RNASET2: variants seen among roughly 807,000 people sequenced by gnomAD.
RNASET2 encodes the protein ribonuclease 6.
A neutral mutation model predicts 33.9 loss-of-function variants in RNASET2; 28 were observed. That is an observed-to-expected ratio of 0.83 (90% CI 0.61 to 1.13). The LOEUF (loss-of-function observed/expected upper bound fraction) is 1.13, where lower values mean the gene tolerates loss of function less well. Among genes scored for constraint, RNASET2 ranks in the 50% most tolerant of loss-of-function variants. RNASET2 has a pLI of 0.00. For synonymous variants in RNASET2, 123 were observed against 121.0 expected (o/e 1.02, Z -0.11); for missense variants, 330 against 319.9 (o/e 1.03, Z -0.24).
At chr6:166,955,697 T>C in intron 1 of RNASET2, 1 of 1,077,474 alleles carries the variant, frequency 9.3e-7, no homozygotes, top group Non-Finnish European at 1.1e-6. Context: ...CCCCTACTCC[T>C]TCCCAGGGGT....
intron 6 of RNASET2, chr6:166,938,467 C>G (rs1156437507): frequency 2.0e-6 from 1 of 508,818 alleles, no homozygotes. Flanking sequence ...AACCCTGGCC[C>G]ACATCTCTTT....
chr6:166,934,218 G>C, intron 6 of RNASET2, 82 bp from the exon 7 acceptor site: 1 of 932,524 alleles, frequency 1.1e-6, no homozygotes, highest in Non-Finnish European at 1.7e-6. Context: ...CATATTTCAT[G>C]GTAAAAATTA....
Position 166,956,170 on chromosome 6 carries a change from C to CT in RNASET2, c.12dup (p.Ala5SerfsTer26). 1 of 1,549,670 alleles carries CT rather than the reference C, an allele frequency of 6.5e-7. No homozygotes were observed. Among genetic ancestry groups the CT allele is most frequent in the Non-Finnish European group, 8.7e-7 (1 of 1,146,562 alleles). On this transcript the variant is annotated frameshift_variant, in exon 1 of 9. Transcript: ENST00000508775. LOFTEE classifies it high-confidence loss of function. ...CAGCCCAGCAGGGCCCCGCGCAGGG[C>CT]TGCAGGGCGCATGGTGCCGACCTGC...
intron 2 of RNASET2, among the ~76,000 whole-genome samples, chr6:166,952,141 C>T (rs13212391): frequency 1.3e-5 from 2 of 152,228 alleles, no homozygotes; most frequent in South Asian, 2.1e-4. Flanking sequence ...CAGAGGACCA[C>T]GGGTCCTTAC....
Position 166,925,149 on chromosome 6 carries a change from CCAT to C in RNASET2, c.*4436_*4438del, listed in dbSNP as rs1778285346. On this transcript the variant is annotated 3_prime_UTR_variant, in exon 9 of 9. Transcript: ENST00000508775. ...CTCTGCTGCCCAGGCCTCATCTACGCCATCCAGCCCTCACTCCTGCCGCCCAGC... is the reference window on the plus strand; with the variant it reads ...CTCTGCTGCCCAGGCCTCATCTACGCCCAGCCCTCACTCCTGCCGCCCAGC... 6.6e-6 allele frequency among the ~76,000 whole-genome samples: 1 copy of C among 151,654 alleles called. No individual in the cohort carries two copies. Among genetic ancestry groups the C allele is most frequent in the African/African-American group, 2.4e-5 (1 of 41,122 alleles).
Position 166,928,833 on chromosome 6 carries a change from T to C in RNASET2, c.*755A>G, listed in dbSNP as rs948387920. Among the ~76,000 whole-genome samples, 2 of 152,130 alleles carry C rather than the reference T, an allele frequency of 1.3e-5. No individual in the cohort carries two copies. Among genetic ancestry groups the C allele is most frequent in the African/African-American group, 2.4e-5 (1 of 41,412 alleles). ...GTACCTCCGGTTCTGGAACACACAA[T>C]GTAGGCACATTTCGCTGGGGGCTCC... On this transcript the variant is annotated 3_prime_UTR_variant, in exon 9 of 9. Transcript: ENST00000508775.
At position 166,931,059 on chromosome 6, in the gene RNASET2, G is replaced by C. The variant is rs930821082; in HGVS notation, c.552C>G (p.Cys184Trp). ...RVYGVIPKIQ[C>W]LPPSQDEEVQ... ...ACTGTCTAACCTGGCTTGGTGGAAG[G>C]CACTGGATTTTGGGTATCACTCCAT... Residue 184 changes from cysteine (C) to tryptophan (W), a missense_variant, in exon 8 of 9, where the codon TGC (cysteine) becomes TGG (tryptophan). Coordinates refer to ENST00000508775, the MANE Select transcript of RNASET2 (RefSeq NM_003730.6). The C allele has an allele frequency of 1.1e-5, 17 of 1,611,538 alleles. No individual in the cohort carries two copies. Among genetic ancestry groups the C allele is most frequent in the Non-Finnish European group, 1.4e-5 (16 of 1,177,758 alleles).
chr6:166,936,674 AC>A (rs1778577457), intron 6 of RNASET2, among the ~76,000 whole-genome samples: 1 of 152,054 alleles, frequency 6.6e-6, no homozygotes, highest in South Asian at 2.1e-4. Flanking sequence ...GGGGGCATTA[AC>A]CTACTCATGA....
At chr6:166,947,164 T>C (rs536052114) in intron 3 of RNASET2, among the ~76,000 whole-genome samples, 68 of 152,064 alleles carry the variant, frequency 4.5e-4, no homozygotes, top group African/African-American at 1.6e-3. Context: ...CGAGAGTCTG[T>C]TCCTTTCAAT....
intron 1 of RNASET2, among the ~76,000 whole-genome samples, chr6:166,955,243 ACACAC>A (rs1562506772): frequency 1.9e-5 from 2 of 103,648 alleles, no homozygotes; most frequent in East Asian, 3.7e-4. Context: ...ACGCACGCAC[ACACAC>A]GCACACACGC....
Position 166,929,929 on chromosome 6 carries a change from G to A in RNASET2, c.568-138C>T, listed in dbSNP as rs540477906. 5.1e-5 allele frequency: 42 copies of A among 820,862 alleles called. 1 individual carries two copies. Among genetic ancestry groups the A allele is most frequent in the African/African-American group, 4.6e-4 (27 of 58,962 alleles). The allele number at this position is 820,862 out of a possible 1,614,324, so 50.8% of individuals were successfully genotyped here. A position where few individuals can be genotyped will look rare whatever the true frequency, so the allele number is the denominator to read the frequency against. On this transcript the variant is annotated intron_variant, in intron 8 of 8. Transcript: ENST00000508775. ...ACCACAGGTTCTAGGTTCCAAGAAC[G>A]GACCCCTTCATTGAGCAGAAGGCTG...
At chr6:166,945,948 T>C (rs1032898964) in intron 4 of RNASET2, among the ~76,000 whole-genome samples, 2 of 151,914 alleles carry the variant, frequency 1.3e-5, no homozygotes, top group African/African-American at 2.4e-5. Context: ...AAGCCTTCAA[T>C]GCTACCACAC....
In RNASET2 at chr6:166,923,625, T is replaced by C. The variant is rs1037626520; in HGVS notation, c.*5963A>G. Among the ~76,000 whole-genome samples the C allele has an allele frequency of 5.3e-5, 8 of 150,228 alleles. No individual in the cohort carries two copies. The highest frequency in any genetic ancestry group is 1.0e-4 in the Non-Finnish European group (7 of 67,698). The stretch of plus-strand genomic sequence containing the variant: ...ATTACAGTCACTCAGAAAAAAAAAA[T>C]AGAATTCTTATCAGAAAAAAAATGA... On this transcript the variant is annotated 3_prime_UTR_variant, in exon 9 of 9. Coordinates refer to ENST00000508775, the MANE Select transcript of RNASET2 (RefSeq NM_003730.6).
chr6:166,952,468 G>A lies in RNASET2; in HGVS notation c.147+20C>T, dbSNP rs140149283. The A allele has an allele frequency of 4.9e-4, 784 of 1,612,010 alleles. 1 individual carries two copies. The African/African-American group carries it at 6.6e-3, about 14-fold the overall frequency. On this transcript the variant is annotated intron_variant, in intron 2 of 8. Transcript: ENST00000508775. ...CAGGGCTCCCCAGGCCCCAGGGCCC[G>A]TCAAGGCAGAAACACTCACCTCGCA...
intron 7 of RNASET2, chr6:166,931,690 CTG>C: frequency 6.0e-6 from 1 of 167,316 alleles, no homozygotes; most frequent in Non-Finnish European, 1.3e-5. Context: ...TCCTCCCCCA[CTG>C]CTTCTGCCTC....
chr6:166,956,369 G>T lies in RNASET2; in HGVS notation c.-187C>A. On this transcript the variant is annotated 5_prime_UTR_variant, in exon 1 of 9. Transcript: ENST00000508775. Reference sequence around the variant, plus strand: ...GACGGCCTAAACCAGTATCTCGCGGGCCCCGCGCCGGGCTCCGGGAATGGC... The same window carrying T: ...GACGGCCTAAACCAGTATCTCGCGGTCCCCGCGCCGGGCTCCGGGAATGGC... The T allele has an allele frequency of 1.6e-6, 1 of 608,500 alleles. No individual in the cohort carries two copies. 37.7% of individuals were successfully genotyped at this position (608,500 alleles called of 1,614,324 possible).
chr6:166,949,389 T>A lies in RNASET2; in HGVS notation c.148-764A>T, dbSNP rs557962869. On this transcript the variant is annotated intron_variant, in intron 2 of 8. Transcript: ENST00000508775. Reference sequence around the variant, plus strand: ...GGTGGTGGGCTCCTACAGTTCCAGCTCCTCAGGAGGCTGAGGCAGGAGAAT... The same window carrying A: ...GGTGGTGGGCTCCTACAGTTCCAGCACCTCAGGAGGCTGAGGCAGGAGAAT... 4.1e-5 allele frequency among the ~76,000 whole-genome samples: 6 copies of A among 145,060 alleles called. No homozygotes were observed. In the South Asian group the frequency reaches 1.3e-3, roughly 31 times the overall value.
At chr6:166,947,735 G>A (rs1432454900) in intron 3 of RNASET2, among the ~76,000 whole-genome samples, 2 of 152,154 alleles carry the variant, frequency 1.3e-5, no homozygotes, top group African/African-American at 4.8e-5. Flanking sequence ...AAGGAGCCAG[G>A]AGGCACCAAT....
At chr6:166,941,268 C>T (rs1382689641) in intron 5 of RNASET2, among the ~76,000 whole-genome samples, 3 of 152,180 alleles carry the variant, frequency 2.0e-5, no homozygotes, top group Non-Finnish European at 4.4e-5. Context: ...TGTGCCCACA[C>T]TGTTTTGATT....
Sources: gnomAD v4.1 joint callset for allele counts (sites outside exome capture counted in the v4.1 genomes callset) on GRCh38, gnomAD v4.1.1 for gene constraint, MANE v1.5 for transcripts, NCBI Gene and HGNC (gene_info 2026-07-23, HGNC 2026-07-21) for gene names.